Variants in TTLL2 observed in about 807,000 individuals in gnomAD.
TTLL2 encodes tubulin tyrosine ligase like 2.
Under a neutral mutation model 7.5 loss-of-function variants are expected in TTLL2, and 10 were observed. The ratio of observed to expected loss-of-function variants is 1.33; its 90% CI spans 0.82 to 2.25. The LOEUF (loss-of-function observed/expected upper bound fraction) is 2.25. Among genes scored for constraint, TTLL2 ranks in the 30% most tolerant of loss-of-function variants. TTLL2 has a pLI of 0.00. For synonymous variants in TTLL2, 284 were observed against 280.3 expected, an observed-to-expected ratio of 1.01 and a Z score of -0.13; for missense variants, 733 against 735.7, an observed-to-expected ratio of 1.00 and a Z score of 0.04.
chr6:167,333,279 C>A (rs1296014569), intron 1 of TTLL2, among the ~76,000 whole-genome samples: 1 of 95,068 alleles, frequency 1.1e-5, no homozygotes, highest in Non-Finnish European at 2.0e-5. Context: ...GCCTTGCATC[C>A]CAGGGATGAA....
In TTLL2 at chr6:167,338,666, C is replaced by G. The variant is rs1473448798; in HGVS notation, c.67C>G (p.Pro23Ala). The G allele has an allele frequency of 6.2e-7, 1 of 1,613,820 alleles. No individual in the cohort carries two copies. Among genetic ancestry groups the G allele is most frequent in the Non-Finnish European group, 8.5e-7 (1 of 1,179,812 alleles). The change falls in exon 2 of 3, where the codon CCA (proline) becomes GCA (alanine). Residue 23 changes from proline (P) to alanine (A), a missense_variant. Physicochemically the swap from Pro to Ala is conservative, Grantham distance 27 (BLOSUM62 -1). Coordinates refer to ENST00000239587, the MANE Select transcript of TTLL2 (RefSeq NM_031949.5). ...QALGSLRTTT[P>A]AFTLNIPSEA... ...TCACAGATCTTTGAGAACCACCACC[C>G]CAGCCTTTACCCTTAACATTCCATC...
intron 1 of TTLL2, among the ~76,000 whole-genome samples, chr6:167,331,449 G>A (rs914647241): frequency 1.3e-5 from 2 of 152,088 alleles, no homozygotes; most frequent in South Asian, 2.1e-4. Flanking sequence ...TCTGTTGTAC[G>A]TTTTACTTCA....
chr6:167,329,286 A>G (rs1386431948), intron 1 of TTLL2, among the ~76,000 whole-genome samples: 1 of 152,200 alleles, frequency 6.6e-6, no homozygotes, highest in East Asian at 1.9e-4. Context: ...ACTTTTACCT[A>G]CTTCAGAGAC....
intron 2 of TTLL2, 80 bp from the exon 3 acceptor site, chr6:167,340,025 G>T (rs1338903644): frequency 8.1e-6 from 12 of 1,479,630 alleles, no homozygotes. Flanking sequence ...GGCAGCACCG[G>T]GTGCACGGTT....
Position 167,325,127 on chromosome 6 carries a change from G to A in TTLL2, c.-47G>A, listed in dbSNP as rs1305671380. 6.4e-7 allele frequency: 1 copy of A among 1,555,050 alleles called. No homozygotes were observed. Among genetic ancestry groups the A allele is most frequent in the Non-Finnish European group, 8.7e-7 (1 of 1,150,532 alleles). ...TCCGCGCATTTCAGCTGGCGCTGCA[G>A]CTGCTGCACAGAGACCCACAGAGGC... On this transcript the variant is annotated 5_prime_UTR_variant, in exon 1 of 3. Transcript: ENST00000239587.
intron 1 of TTLL2, among the ~76,000 whole-genome samples, chr6:167,329,154 G>A: frequency 6.6e-6 from 1 of 152,098 alleles, no homozygotes; most frequent in Non-Finnish European, 1.5e-5. Flanking sequence ...CCCTCCCACG[G>A]GCCGCACCTG....
At chr6:167,325,744 A>T (rs977472028) in intron 1 of TTLL2, among the ~76,000 whole-genome samples, 3 of 152,064 alleles carry the variant, frequency 2.0e-5, no homozygotes, top group Non-Finnish European at 4.4e-5. Context: ...TATGGACCCC[A>T]CGGGGGAAAA....
At chr6:167,329,850 G>A (rs1290159111) in intron 1 of TTLL2, among the ~76,000 whole-genome samples, 1 of 152,078 alleles carries the variant, frequency 6.6e-6, no homozygotes, top group Admixed American at 6.5e-5. Flanking sequence ...CATCTCACCA[G>A]TTCCCCACCA....
chr6:167,336,908 G>A (rs1467294204), intron 1 of TTLL2, among the ~76,000 whole-genome samples: 3 of 152,172 alleles, frequency 2.0e-5, no homozygotes, highest in African/African-American at 7.2e-5. Flanking sequence ...CCTCCCCTCT[G>A]TGTGGGCCTT....
intron 1 of TTLL2, among the ~76,000 whole-genome samples, chr6:167,326,188 C>T (rs1778846245): frequency 6.6e-6 from 1 of 152,058 alleles, no homozygotes; most frequent in Non-Finnish European, 1.5e-5. Flanking sequence ...ACACATGGGA[C>T]TTGATCTTTG....
chr6:167,335,825 G>T (rs1290552464), intron 1 of TTLL2, among the ~76,000 whole-genome samples: 2 of 120,546 alleles, frequency 1.7e-5, no homozygotes, highest in Non-Finnish European at 3.4e-5. Context: ...CTGTGGTGGG[G>T]TGGGGGGAGG....
chr6:167,326,069 A>G (rs1778844846), intron 1 of TTLL2, among the ~76,000 whole-genome samples: 1 of 152,132 alleles, frequency 6.6e-6, no homozygotes, highest in Non-Finnish European at 1.5e-5. Flanking sequence ...AAAGAGGCAA[A>G]GTCAGCTCTC....
At chr6:167,337,103 C>T (rs1778994474) in intron 1 of TTLL2, among the ~76,000 whole-genome samples, 3 of 151,884 alleles carry the variant, frequency 2.0e-5, no homozygotes, top group African/African-American at 7.3e-5. Context: ...ACATGCTTTC[C>T]ACACACAATC....
At chr6:167,326,408 A>C (rs1778848367) in intron 1 of TTLL2, among the ~76,000 whole-genome samples, 1 of 151,988 alleles carries the variant, frequency 6.6e-6, no homozygotes, top group Non-Finnish European at 1.5e-5. Context: ...TTGGGGTGAA[A>C]AGCATTCTAC....
At chr6:167,328,957 G>A (rs1452451705) in intron 1 of TTLL2, among the ~76,000 whole-genome samples, 1 of 152,242 alleles carries the variant, frequency 6.6e-6, no homozygotes, top group East Asian at 1.9e-4. Context: ...TAGCTCAGAT[G>A]TACTCTAGTT....
chr6:167,329,025 T>C (rs1015029986), intron 1 of TTLL2, among the ~76,000 whole-genome samples: 1 of 152,126 alleles, frequency 6.6e-6, no homozygotes, highest in Non-Finnish European at 1.5e-5. Context: ...TGCTGCCCAG[T>C]CAGGGACTCT....
chr6:167,340,222 T>A lies in TTLL2; in HGVS notation c.322T>A (p.Trp108Arg), dbSNP rs748660099. The A allele has an allele frequency of 6.2e-7, 1 of 1,612,596 alleles. No individual in the cohort carries two copies. The highest frequency in any genetic ancestry group is 8.5e-7 in the Non-Finnish European group (1 of 1,179,712). Reference sequence around the variant, plus strand: ...GCAAAGCGTCCTCCTGGAGAGGGGGTGGAATAAGTTTGATAAGCAGGAGCA... The same window carrying A: ...GCAAAGCGTCCTCCTGGAGAGGGGGAGGAATAAGTTTGATAAGCAGGAGCA... ...VVQSVLLERG[W>R]NKFDKQEQNA... Residue 108 changes from tryptophan (W) to arginine (R), a missense_variant, in exon 3 of 3, where the codon TGG becomes AGG. Transcript: ENST00000239587.
At chr6:167,338,073 AG>A (rs199534128) in intron 1 of TTLL2, among the ~76,000 whole-genome samples, 1 of 151,772 alleles carries the variant, frequency 6.6e-6, no homozygotes, top group African/African-American at 2.4e-5. Context: ...AAAACATACA[AG>A]CAGCACAAAC....
In TTLL2 at chr6:167,341,435, G is replaced by C. The variant is rs201031662; in HGVS notation, c.1535G>C (p.Arg512Pro). 6.2e-7 allele frequency: 1 copy of C among 1,613,846 alleles called. No individual in the cohort carries two copies. Among genetic ancestry groups the C allele is most frequent in the Non-Finnish European group, 8.5e-7 (1 of 1,180,008 alleles). ...ATGCCACAAAGCAAGCCCAAGTTACGGAGCAGGCACACGCCTCACAAGACA... is the reference window on the plus strand; with the variant it reads ...ATGCCACAAAGCAAGCCCAAGTTACCGAGCAGGCACACGCCTCACAAGACA... ...REMPQSKPKL[R>P]SRHTPHKTLM... Residue 512 changes from arginine to proline, a missense_variant, in exon 3 of 3, where the codon CGG (arginine) becomes CCG (proline). By Grantham distance (103) the Arg-to-Pro change is moderately radical. Transcript: ENST00000239587.
Sources: allele counts gnomAD v4.1 joint callset (sites outside exome capture counted in the v4.1 genomes callset), GRCh38; gene constraint gnomAD v4.1.1; transcripts MANE v1.5; gene names NCBI Gene and HGNC (gene_info 2026-07-23, HGNC 2026-07-21).